INO80: variants seen among roughly 807,000 people sequenced by gnomAD.
INO80 encodes the protein INO80 complex ATPase subunit, also known as chromatin-remodeling ATPase INO80.
INO80 carries 20 observed loss-of-function variants against 203.4 expected under a neutral mutation model. That is an observed-to-expected ratio of 0.10 (90% CI 0.07 to 0.14). The LOEUF (loss-of-function observed/expected upper bound fraction) is 0.14, where lower values mean the gene tolerates loss of function less well. Ranked by LOEUF, INO80 falls within the 10% of genes least tolerant of loss-of-function variation. The pLI, the probability that INO80 is intolerant of heterozygous loss-of-function variation, is 1.00. For synonymous variants in INO80, 726 were observed against 685.2 expected (o/e 1.06, Z -0.93); for missense variants, 1,419 against 1,914.4 (o/e 0.74, Z 4.83).
intron 16 of INO80, 75 bp downstream of exon 16, chr15:41,058,564 T>C (rs2045040174): frequency 2.8e-6 from 3 of 1,062,320 alleles, no homozygotes; most frequent in Non-Finnish European, 4.1e-6. Flanking sequence ...TGTGTGTGTG[T>C]GTGTGCGTGT....
At chr15:41,017,982 A>G (rs1321577940) in intron 26 of INO80, 1 of 152,188 alleles carries the variant, frequency 6.6e-6, no homozygotes, top group East Asian at 1.9e-4. Context: ...ACAACTTTTA[A>G]GGTTTTATTC....
At chr15:41,018,150 T>C (rs1218921642) in intron 26 of INO80, 1 of 152,188 alleles carries the variant, frequency 6.6e-6, no homozygotes, top group African/African-American at 2.4e-5. Context: ...CCACATATTT[T>C]TCAGCCCTTG....
Position 41,071,994 on chromosome 15 carries a change from G to C in INO80, c.1460C>G (p.Ser487Cys), listed in dbSNP as rs1490191690. 9 of 1,611,816 alleles carry C rather than the reference G, an allele frequency of 5.6e-6. No homozygotes were observed. The highest frequency in any genetic ancestry group is 7.6e-6 in the Non-Finnish European group (9 of 1,179,606). The stretch of plus-strand genomic sequence containing the variant: ...ATAACTCTCCCCAAACCCAGTGCCA[G>C]ACTTGTTTGCTGCCCGTAGGGCAGC... ...RAAALRAANKSGTGFGESYSL... is the reference protein window; with the variant it reads ...RAAALRAANKCGTGFGESYSL... Residue 487 changes from serine (S) to cysteine (C), a missense_variant, in exon 12 of 36, where the codon TCT (serine) becomes TGT (cysteine). Coordinates refer to ENST00000648947, the MANE Select transcript of INO80 (RefSeq NM_017553.3).
intron 27 of INO80, among the ~76,000 whole-genome samples, chr15:41,012,560 T>TAAAAAA: frequency 3.9e-4 from 2 of 5,182 alleles, no homozygotes; most frequent in African/African-American, 2.6e-3. Context: ...GAGACTCTTT[T>TAAAAAA]TAAAAAAAAA....
Position 41,031,978 on chromosome 15 carries a change from C to G in INO80, c.2908-4242G>C, listed in dbSNP as rs867853629. ...CACAGCACAGGACAGCACAGCACAGCACAGCACAGCACAGCACAGGACAGC... is the reference window on the plus strand; with the variant it reads ...CACAGCACAGGACAGCACAGCACAGGACAGCACAGCACAGCACAGGACAGC... On this transcript the variant is annotated intron_variant, in intron 24 of 35. Coordinates refer to ENST00000648947, the MANE Select transcript of INO80 (RefSeq NM_017553.3). Among the ~76,000 whole-genome samples, 89 of 81,130 alleles carry G rather than the reference C, an allele frequency of 1.1e-3. 1 individual carries two copies. The highest frequency in any genetic ancestry group is 2.7e-3 in the South Asian group (6 of 2,208). The allele number at this position is 81,130 out of a possible 152,430, so 53.2% of individuals were successfully genotyped here.
At chr15:40,991,350 G>T (rs1042440783) in intron 29 of INO80, among the ~76,000 whole-genome samples, 2 of 152,142 alleles carry the variant, frequency 1.3e-5, no homozygotes, top group Non-Finnish European at 2.9e-5. Flanking sequence ...GAACAAGAGT[G>T]AGAGAACTAA....
At chr15:41,080,411 C>T (rs2045468448) in intron 8 of INO80, among the ~76,000 whole-genome samples, 1 of 152,152 alleles carries the variant, frequency 6.6e-6, no homozygotes, top group African/African-American at 2.4e-5. Flanking sequence ...TTGTTTTAGT[C>T]TCCTCTAAGG....
chr15:41,023,335 T>C (rs2044323328), intron 25 of INO80: 1 of 455,872 alleles, frequency 2.2e-6, no homozygotes, highest in African/African-American at 2.0e-5. Flanking sequence ...ATGTAGGATG[T>C]GTGTCGCAGA....
chr15:41,090,196 G>T (rs1045541405), intron 5 of INO80, among the ~76,000 whole-genome samples: 2 of 152,194 alleles, frequency 1.3e-5, no homozygotes, highest in Admixed American at 6.5e-5. Context: ...TTGAAAATAT[G>T]ACATTAAGTG....
At chr15:40,996,873 G>A (rs938546490) in intron 29 of INO80, among the ~76,000 whole-genome samples, 2 of 152,170 alleles carry the variant, frequency 1.3e-5, no homozygotes, top group Admixed American at 6.5e-5. Flanking sequence ...AACAAATCTG[G>A]ATGGACTGAT....
At chr15:41,058,530 A>G (rs28576867) in intron 16 of INO80, 109 bp downstream of exon 16, 1 of 996,292 alleles carries the variant, frequency 1.0e-6, no homozygotes. Flanking sequence ...TCATATCTTG[A>G]TTTTATTCAT....
Position 40,983,868 on chromosome 15 carries a change from G to A in INO80, c.4131C>T (p.Ser1377=), listed in dbSNP as rs768080558. The A allele has an allele frequency of 1.9e-6, 3 of 1,613,482 alleles. No individual in the cohort carries two copies. Among genetic ancestry groups the A allele is most frequent in the Non-Finnish European group, 2.5e-6 (3 of 1,179,942 alleles). ...CATCCACAATGACCAGCATGTCACT[G>A]CTGCTCTCGTCCAGGGGAATGGAGC... The part of the protein sequence containing the change: ...HTGSIPLDES[S]SDMLVIVDDP... The change falls in exon 34 of 36, where the codon AGC becomes AGT. Residue 1377 remains serine, a synonymous_variant. Coordinates refer to ENST00000648947, the MANE Select transcript of INO80 (RefSeq NM_017553.3).
At chr15:41,113,397 G>A (rs1596336464) in intron 1 of INO80, among the ~76,000 whole-genome samples, 1 of 152,024 alleles carries the variant, frequency 6.6e-6, no homozygotes, top group Non-Finnish European at 1.5e-5. Context: ...CTCCTGAGTA[G>A]CTGGGATTAC....
chr15:41,055,200 G>A, intron 18 of INO80, 47 bp downstream of exon 18: 2 of 992,036 alleles, frequency 2.0e-6, no homozygotes, highest in Non-Finnish European at 1.6e-6. Flanking sequence ...TTACGTGGTT[G>A]CCTACACTGA....
chr15:40,987,018 C>T, intron 31 of INO80, 73 bp downstream of exon 31: 1 of 852,828 alleles, frequency 1.2e-6, no homozygotes, highest in Non-Finnish European at 2.0e-6. Flanking sequence ...TTTGCCTACC[C>T]TTGGCACACA....
chr15:40,984,176 G>C, intron 33 of INO80, 21 bp downstream of exon 33: 1 of 1,610,948 alleles, frequency 6.2e-7, no homozygotes, highest in Non-Finnish European at 8.5e-7. Flanking sequence ...CTGTGATGCA[G>C]GCATCTAAAA....
At chr15:41,044,289 GAAAC>G (rs1385431918) in intron 24 of INO80, among the ~76,000 whole-genome samples, 3 of 152,086 alleles carry the variant, frequency 2.0e-5, no homozygotes, top group African/African-American at 7.2e-5. Context: ...CCTAGAACTG[GAAAC>G]AAACAAAATA....
chr15:41,069,695 AC>A (rs1286119023), intron 13 of INO80, 30 bp from the exon 14 acceptor site: 1 of 1,262,114 alleles, frequency 7.9e-7, no homozygotes, highest in East Asian at 2.3e-5. Context: ...TCAGCCAACT[AC>A]AGGAAAAGGG....
rs1555403808 is a variant in INO80, at chr15:41,059,121, T to TTTTA, written c.1843-341_1843-340insTAAA. Among the ~76,000 whole-genome samples the TTTTA allele has an allele frequency of 1.6e-4, 24 of 151,868 alleles. No homozygotes were observed. In the South Asian group the frequency reaches 1.9e-3, roughly 12 times the overall value. ...CATATACCACCATGCCCGGCTAATT[T>TTTTA]TTTTATTTTATTTTATTTTATGTAG... On this transcript the variant is annotated intron_variant, in intron 15 of 35. Transcript: ENST00000648947.
Sources: gnomAD v4.1 joint callset for allele counts (sites outside exome capture counted in the v4.1 genomes callset) on GRCh38, gnomAD v4.1.1 for gene constraint, MANE v1.5 for transcripts, NCBI Gene and HGNC (gene_info 2026-07-23, HGNC 2026-07-21) for gene names.